Variants in FHIT observed in about 807,000 individuals in gnomAD.
The protein encoded by FHIT is bis(5'-adenosyl)-triphosphatase.
FHIT carries 19 observed loss-of-function variants against 17.9 expected under a neutral mutation model. The observed-to-expected ratio is 1.06, with a 90% confidence interval of 0.74 to 1.56. The LOEUF is 1.56. FHIT is among the 40% of genes most tolerant of loss of function. The pLI, the probability that FHIT is intolerant of heterozygous loss-of-function variation, is 0.00. For synonymous variants in FHIT, 81 were observed against 69.7 expected (o/e 1.16, Z -0.81); for missense variants, 248 against 189.2 (o/e 1.31, Z -1.82).
chr3:59,794,092 T>G (rs1040218440), intron 8 of FHIT, among the ~76,000 whole-genome samples: 13 of 152,142 alleles, frequency 8.5e-5, no homozygotes, highest in African/African-American at 2.7e-4. Context: ...AAAAAGAGCC[T>G]TATCCTCCTC....
intron 4 of FHIT, among the ~76,000 whole-genome samples, chr3:60,788,432 C>CTA (rs1306194894): frequency 6.6e-6 from 1 of 152,044 alleles, no homozygotes; most frequent in African/African-American, 2.4e-5. Context: ...TCAGGATCAA[C>CTA]TATATATATA....
chr3:60,760,591 A>C lies in FHIT; in HGVS notation c.-18+61328T>G, dbSNP rs187654971. 1.3e-3 allele frequency among the ~76,000 whole-genome samples: 184 copies of C among 142,816 alleles called. 1 individual carries two copies. The highest frequency in any genetic ancestry group is 4.4e-3 in the African/African-American group (180 of 41,126). 93.7% of individuals were successfully genotyped at this position (142,816 alleles called of 152,430 possible). A position where few individuals can be genotyped will look rare whatever the true frequency, so the allele number is the denominator to read the frequency against. On this transcript the variant is annotated intron_variant, in intron 4 of 9. Coordinates refer to ENST00000492590, the MANE Select transcript of FHIT (RefSeq NM_002012.4). ...AATTTTCATTTTTCCTGCTCCCGTC[A>C]GCTTAAAACGAAAAGTTTCTCTACT... is the stretch of plus-strand genomic sequence containing the variant.
At chr3:61,016,910 A>C (rs1342872396) in intron 3 of FHIT, among the ~76,000 whole-genome samples, 1 of 152,268 alleles carries the variant, frequency 6.6e-6, no homozygotes, top group Non-Finnish European at 1.5e-5. Context: ...AGGTTTCTCC[A>C]CAAAAGATGA....
rs541004068 is a variant in FHIT at position 59,979,096 on chromosome 3, T to C, written c.279+32275A>G. ...TTTCTGACATTGTGTTGGTTTCCTA[T>C]TGAACATCTGAAGACTGTTTTAACA... On this transcript the variant is annotated intron_variant, in intron 7 of 9. Transcript: ENST00000492590. Among the ~76,000 whole-genome samples, 16 of 152,256 alleles carry C rather than the reference T, an allele frequency of 1.1e-4. No individual in the cohort carries two copies. The South Asian group carries it at 1.9e-3, about 18-fold the overall frequency.
intron 3 of FHIT, among the ~76,000 whole-genome samples, chr3:60,917,209 T>C (rs1237652877): frequency 6.6e-6 from 1 of 152,218 alleles, no homozygotes; most frequent in African/African-American, 2.4e-5. Context: ...CATTGGATAG[T>C]AGTAAATAAA....
intron 3 of FHIT, among the ~76,000 whole-genome samples, chr3:60,939,589 G>C (rs1708325681): frequency 6.6e-6 from 1 of 151,788 alleles, no homozygotes; most frequent in Non-Finnish European, 1.5e-5. Flanking sequence ...TTTTTAATTG[G>C]TCCAAATGCT....
chr3:59,790,764 T>C lies in FHIT; in HGVS notation c.349-38443A>G, dbSNP rs572032630. Among the ~76,000 whole-genome samples the C allele has an allele frequency of 3.9e-5, 6 of 152,310 alleles. No homozygotes were observed. The South Asian group carries it at 1.2e-3, about 32-fold the overall frequency. On this transcript the variant is annotated intron_variant, in intron 8 of 9. Coordinates refer to ENST00000492590, the MANE Select transcript of FHIT (RefSeq NM_002012.4). The stretch of plus-strand genomic sequence containing the variant: ...TATGTGTCTCCCCAACACTGTAATA[T>C]CTATGAGAGCCAAATCACTACCTGT...
At chr3:60,384,405 G>C (rs1260424695) in intron 5 of FHIT, among the ~76,000 whole-genome samples, 1 of 152,054 alleles carries the variant, frequency 6.6e-6, no homozygotes, top group Non-Finnish European at 1.5e-5. Flanking sequence ...TATTAATGAT[G>C]TTCTTTGCCT....
At chr3:60,722,792 G>A (rs943744683) in intron 4 of FHIT, among the ~76,000 whole-genome samples, 2 of 146,792 alleles carry the variant, frequency 1.4e-5, no homozygotes, top group African/African-American at 5.2e-5. Context: ...GCGCGATCTC[G>A]GCTCATTGCC....
At chr3:59,781,517 G>A (rs1273357949) in intron 8 of FHIT, among the ~76,000 whole-genome samples, 4 of 152,086 alleles carry the variant, frequency 2.6e-5, no homozygotes, top group African/African-American at 7.2e-5. Context: ...ACCAAGTTAC[G>A]AATTTTGGAT....
intron 5 of FHIT, among the ~76,000 whole-genome samples, chr3:60,240,893 GA>G (rs1252848327): frequency 3.9e-5 from 6 of 151,970 alleles, no homozygotes; most frequent in African/African-American, 1.5e-4. Context: ...CTTCTGGAGG[GA>G]AAAAAATTGT....
At chr3:59,815,897 A>AT (rs1700583248) in intron 8 of FHIT, among the ~76,000 whole-genome samples, 1 of 152,226 alleles carries the variant, frequency 6.6e-6, no homozygotes, top group Admixed American at 6.5e-5. Context: ...AATAAAAAAA[A>AT]AATTTAAATC....
chr3:60,624,919 G>GT (rs781903157), intron 4 of FHIT, among the ~76,000 whole-genome samples: 15 of 150,570 alleles, frequency 1.0e-4, no homozygotes, highest in South Asian at 4.2e-4. Context: ...TTGTTTGTTT[G>GT]TTTGTTTTTG....
At chr3:61,195,479 A>T (rs2038830031) in intron 2 of FHIT, among the ~76,000 whole-genome samples, 2 of 152,120 alleles carry the variant, frequency 1.3e-5, no homozygotes, top group Admixed American at 1.3e-4. Flanking sequence ...GATGATCATG[A>T]TTGTGATGAT....
chr3:59,929,860 CTT>C (rs3047601), intron 7 of FHIT, among the ~76,000 whole-genome samples: 10,053 of 143,604 alleles, frequency 0.07, 409 homozygotes, highest in South Asian at 0.13. Flanking sequence ...ATGATACACG[CTT>C]TTTTTTTTTT....
chr3:60,012,824 A>G (rs1019398416), intron 6 of FHIT, among the ~76,000 whole-genome samples: 11 of 152,324 alleles, frequency 7.2e-5, no homozygotes, highest in African/African-American at 2.6e-4. Context: ...TATGGAATTA[A>G]CTTTCTAGTG....
intron 5 of FHIT, among the ~76,000 whole-genome samples, chr3:60,474,114 G>C (rs546828264): frequency 6.6e-6 from 1 of 152,272 alleles, no homozygotes; most frequent in African/African-American, 2.4e-5. Context: ...CAGGGAATGT[G>C]TCTGCTTACC....
At chr3:60,507,429 G>A (rs1044773564) in intron 5 of FHIT, among the ~76,000 whole-genome samples, 3 of 152,122 alleles carry the variant, frequency 2.0e-5, no homozygotes, top group Non-Finnish European at 4.4e-5. Context: ...AAAAGCTAGG[G>A]TCTTTATCCT....
At chr3:60,685,628 G>A (rs782811749) in intron 4 of FHIT, among the ~76,000 whole-genome samples, 14 of 152,196 alleles carry the variant, frequency 9.2e-5, no homozygotes, top group South Asian at 2.1e-4. Flanking sequence ...TTCTAAGAAC[G>A]AGTATTCATT....
Sources: gnomAD v4.1 joint callset for allele counts (sites outside exome capture counted in the v4.1 genomes callset) on GRCh38, gnomAD v4.1.1 for gene constraint, MANE v1.5 for transcripts, NCBI Gene and HGNC (gene_info 2026-07-23, HGNC 2026-07-21) for gene names.